Variants in CACNA2D1 observed in about 807,000 individuals in gnomAD.
CACNA2D1 encodes the protein calcium voltage-gated channel auxiliary subunit alpha2delta 1.
CACNA2D1 carries 53 observed loss-of-function variants against 171.5 expected under a neutral mutation model. The ratio of observed to expected loss-of-function variants is 0.31; its 90% confidence interval spans 0.25 to 0.39. CACNA2D1 has a LOEUF of 0.39. Among genes scored for constraint, CACNA2D1 ranks in the 10% least tolerant of loss-of-function variants. The pLI, the probability that CACNA2D1 is intolerant of heterozygous loss-of-function variation, is 1.00. For synonymous variants in CACNA2D1, 442 were observed against 443.1 expected (o/e 1.00, Z 0.03); for missense variants, 903 against 1,299.8 (o/e 0.69, Z 4.69).
In CACNA2D1 at chr7:81,966,150, T is replaced by G. The variant is rs541811478; in HGVS notation, c.2503-485A>C. On this transcript the variant is annotated intron_variant, in intron 31 of 38. Transcript: ENST00000356860. The stretch of plus-strand genomic sequence containing the variant: ...CATATTTTAGATTAAAAATATGTAG[T>G]TGGATAATTGGAGATTTAAAAGCAA... Among the ~76,000 whole-genome samples the G allele has an allele frequency of 5.9e-5, 9 of 151,460 alleles. No homozygotes were observed. The East Asian group carries it at 1.8e-3, about 30-fold the overall frequency.
At chr7:82,397,008 T>C (rs1563490091) in intron 1 of CACNA2D1, among the ~76,000 whole-genome samples, 2 of 152,226 alleles carry the variant, frequency 1.3e-5, no homozygotes, top group Admixed American at 1.3e-4. Flanking sequence ...AACTTATGCA[T>C]TGATTTCTTC....
At chr7:82,281,326 G>A (rs909732363) in intron 3 of CACNA2D1, among the ~76,000 whole-genome samples, 2 of 152,166 alleles carry the variant, frequency 1.3e-5, no homozygotes, top group Non-Finnish European at 2.9e-5. Flanking sequence ...TCATTGTGTC[G>A]AGAGACGCAG....
At chr7:82,270,355 T>C (rs1015803518) in intron 3 of CACNA2D1, among the ~76,000 whole-genome samples, 2 of 152,168 alleles carry the variant, frequency 1.3e-5, no homozygotes, top group African/African-American at 4.8e-5. Context: ...CACGTAGTCT[T>C]CTCCATCTGG....
At chr7:82,334,830 T>C (rs1585542884) in intron 3 of CACNA2D1, among the ~76,000 whole-genome samples, 1 of 152,144 alleles carries the variant, frequency 6.6e-6, no homozygotes, top group Admixed American at 6.6e-5. Context: ...TTATGTATCA[T>C]GATGTACATA....
At chr7:82,223,325 A>G (rs1165391080) in intron 3 of CACNA2D1, among the ~76,000 whole-genome samples, 1 of 152,236 alleles carries the variant, frequency 6.6e-6, no homozygotes, top group African/African-American at 2.4e-5. Flanking sequence ...AACGTGCTAT[A>G]CAATTTTCCA....
chr7:82,247,140 T>C (rs532604342), intron 3 of CACNA2D1, among the ~76,000 whole-genome samples: 4 of 152,292 alleles, frequency 2.6e-5, no homozygotes, highest in South Asian at 4.1e-4. Flanking sequence ...CAGTAAGTAA[T>C]GTATTTGACA....
chr7:82,283,612 GGAA>G, intron 3 of CACNA2D1, among the ~76,000 whole-genome samples: 1 of 152,156 alleles, frequency 6.6e-6, no homozygotes, highest in East Asian at 1.9e-4. Context: ...ATATGGTCTT[GGAA>G]GAAGATGATA....
At chr7:82,320,166 T>G (rs1321952833) in intron 3 of CACNA2D1, among the ~76,000 whole-genome samples, 4 of 152,112 alleles carry the variant, frequency 2.6e-5, no homozygotes, top group Non-Finnish European at 5.9e-5. Flanking sequence ...GGCACTAATC[T>G]GCAGAGAAAA....
chr7:82,247,234 GCA>G (rs1225600773), intron 3 of CACNA2D1, among the ~76,000 whole-genome samples: 5 of 152,236 alleles, frequency 3.3e-5, no homozygotes, highest in Admixed American at 1.3e-4. Context: ...CCCAGGCTAG[GCA>G]CAGTGGCTCA....
At chr7:82,058,259 T>A (rs1806183900) in intron 10 of CACNA2D1, among the ~76,000 whole-genome samples, 1 of 152,114 alleles carries the variant, frequency 6.6e-6, no homozygotes, top group Non-Finnish European at 1.5e-5. Context: ...TGTGATCACC[T>A]CCCAAATACA....
chr7:81,959,980 GA>G (rs943805396), intron 36 of CACNA2D1, 151 bp from the exon 37 acceptor site: 2 of 1,244,370 alleles, frequency 1.6e-6, no homozygotes, highest in East Asian at 2.6e-5. Context: ...GATTTTAGAA[GA>G]AAAAAATGCT....
Position 82,145,230 on chromosome 7 carries a change from A to G in CACNA2D1, c.355-8554T>C, listed in dbSNP as rs188252021. 3.4e-3 allele frequency among the ~76,000 whole-genome samples: 502 copies of G among 146,760 alleles called. 1 individual carries two copies. The highest frequency in any genetic ancestry group is 5.3e-3 in the Non-Finnish European group (353 of 66,782). Reference sequence around the variant, plus strand: ...GAGACAGTGAATTTTATATATATATAAAATATAAATTATATAAATATATAA... The same window carrying G: ...GAGACAGTGAATTTTATATATATATGAAATATAAATTATATAAATATATAA... On this transcript the variant is annotated intron_variant, in intron 4 of 38. Transcript: ENST00000356860.
At chr7:82,104,546 C>T (rs190366200) in intron 6 of CACNA2D1, among the ~76,000 whole-genome samples, 117 of 151,950 alleles carry the variant, frequency 7.7e-4, no homozygotes, top group African/African-American at 2.3e-3. Flanking sequence ...TGAATATCAC[C>T]GTTTTCCTTT....
intron 3 of CACNA2D1, among the ~76,000 whole-genome samples, chr7:82,186,897 AT>A (rs1351290232): frequency 1.3e-5 from 2 of 152,218 alleles, no homozygotes; most frequent in African/African-American, 2.4e-5. Context: ...CTTCTAAAAA[AT>A]AACGATAACA....
chr7:82,367,049 G>A (rs58929623), intron 1 of CACNA2D1, among the ~76,000 whole-genome samples: 1,627 of 151,526 alleles, frequency 0.011, 34 homozygotes, highest in African/African-American at 0.037. Flanking sequence ...TGGGACTACA[G>A]ATATGTACCA....
At chr7:82,094,182 G>A (rs987821490) in intron 6 of CACNA2D1, among the ~76,000 whole-genome samples, 6 of 151,858 alleles carry the variant, frequency 4.0e-5, no homozygotes, top group East Asian at 1.9e-4. Context: ...CATAGAAGTC[G>A]GCTATAATCA....
intron 3 of CACNA2D1, among the ~76,000 whole-genome samples, chr7:82,257,391 A>G (rs1806434602): frequency 6.6e-6 from 1 of 152,196 alleles, no homozygotes; most frequent in African/African-American, 2.4e-5. Flanking sequence ...TTCTGTGCCA[A>G]TCATCTATTT....
At chr7:81,965,746 T>A in intron 31 of CACNA2D1, 81 bp from the exon 32 acceptor site, 1 of 820,092 alleles carries the variant, frequency 1.2e-6, no homozygotes, top group Non-Finnish European at 2.2e-6. Context: ...ATATACATGA[T>A]TAGAGCAATA....
At chr7:82,057,148 G>C (rs1018810509) in intron 10 of CACNA2D1, among the ~76,000 whole-genome samples, 1 of 152,240 alleles carries the variant, frequency 6.6e-6, no homozygotes, top group South Asian at 2.1e-4. Context: ...TTTAAAAATG[G>C]TTGAAATTTT....
Sources: gnomAD v4.1 joint callset for allele counts (sites outside exome capture counted in the v4.1 genomes callset) on GRCh38, gnomAD v4.1.1 for gene constraint, MANE v1.5 for transcripts, NCBI Gene and HGNC (gene_info 2026-07-23, HGNC 2026-07-21) for gene names.